Variants in MGAM observed in about 807,000 individuals in gnomAD.
MGAM encodes the protein maltase-glucoamylase.
In MGAM, 253 loss-of-function variants were observed where a neutral mutation model predicts 358.8. That is an observed-to-expected ratio of 0.71 (90% CI 0.64 to 0.78). MGAM has a LOEUF of 0.78. Ranked by LOEUF, MGAM falls within the 30% of genes least tolerant of loss-of-function variation. MGAM has a pLI of 0.00. For missense variants in MGAM, 3,080 were observed against 3,432.6 expected, an observed-to-expected ratio of 0.90 and a Z score of 2.57; for synonymous variants, 1,105 against 1,227.1, an observed-to-expected ratio of 0.90 and a Z score of 2.08.
rs768578658 is a variant in MGAM at position 142,050,266 on chromosome 7, T to G, written c.2619T>G (p.Cys873Trp). 112 of 1,613,684 alleles carry G rather than the reference T, an allele frequency of 6.9e-5. No homozygotes were observed. The highest frequency in any genetic ancestry group is 9.2e-5 in the Non-Finnish European group (109 of 1,179,748). ...DTVANKVYLL[C>W]EFSVTQNRLE... is the part of the protein sequence containing the mutation. Reference sequence around the variant, plus strand: ...TGGCCAATAAAGTGTATCTTTTATGTGAGTTTTCTGTCACTCAAGTGAGTA... The same window carrying G: ...TGGCCAATAAAGTGTATCTTTTATGGGAGTTTTCTGTCACTCAAGTGAGTA... Residue 873 changes from cysteine to tryptophan, a missense_variant, in exon 23 of 71, where the codon TGT becomes TGG. By Grantham distance (215) the Cys-to-Trp change is radical. Around this residue, in one of 5 missense-constraint regions of MGAM, gnomAD observed 1,816 missense variants for 1,840.5 expected, o/e 0.99. Transcript: ENST00000475668.
chr7:142,019,959 C>T (rs1397159837), intron 4 of MGAM, among the ~76,000 whole-genome samples: 1 of 151,928 alleles, frequency 6.6e-6, no homozygotes, highest in Non-Finnish European at 1.5e-5. Context: ...GTCCCAGCTA[C>T]TCAGGAGGCT....
intron 5 of MGAM, 23 bp downstream of exon 5, chr7:142,021,106 T>G: frequency 6.5e-7 from 1 of 1,547,264 alleles, no homozygotes; most frequent in Non-Finnish European, 8.8e-7. Flanking sequence ...TTATTTTTTT[T>G]TAAGTTTTTT....
chr7:142,087,271 C>T (rs1161446062), intron 57 of MGAM, among the ~76,000 whole-genome samples: 1 of 145,610 alleles, frequency 6.9e-6, no homozygotes, highest in Admixed American at 6.9e-5. Context: ...AGTTTCCAGC[C>T]TTACTGTAAA....
intron 21 of MGAM, among the ~76,000 whole-genome samples, chr7:142,045,136 T>C (rs1460894891): frequency 1.3e-5 from 1 of 78,332 alleles, no homozygotes; most frequent in African/African-American, 3.9e-5. Flanking sequence ...ATAATATGTA[T>C]ATTATATATC....
chr7:141,999,529 CATCTGAAA>C (rs1310146238), intron 1 of MGAM, among the ~76,000 whole-genome samples: 1 of 152,152 alleles, frequency 6.6e-6, no homozygotes, highest in African/African-American at 2.4e-5. Flanking sequence ...TTAGTTTTTT[CATCTGAAA>C]GTGAGGATAG....
chr7:142,045,126 A>G (rs1776480618), intron 21 of MGAM, among the ~76,000 whole-genome samples: 1 of 96,804 alleles, frequency 1.0e-5, no homozygotes, highest in Non-Finnish European at 2.0e-5. Context: ...TATATGATAT[A>G]TAATATGTAT....
Position 142,078,860 on chromosome 7 carries a change from C to G in MGAM, c.5699C>G (p.Ser1900Cys), listed in dbSNP as rs751744643. The change falls in exon 49 of 71, where the codon TCT becomes TGT. Residue 1900 changes from serine to cysteine, a missense_variant. Ser to Cys is a moderately radical substitution (Grantham distance 112). This residue lies in a region of MGAM where 932 missense variants were observed against 1,198.2 expected (regional missense o/e 0.78). Transcript: ENST00000475668. The part of the protein sequence containing the change: ...PFCYFVNDLY[S>C]VSDVQYNSHG... ...TGCTATTTTGTCAACGACCTATACT[C>G]TGTCAGTGATGTTCAGTATAACTCC... The G allele has an allele frequency of 3.3e-5, 51 of 1,555,760 alleles. 5 individuals are homozygous for G. In the South Asian group the frequency reaches 5.4e-4, roughly 16 times the overall value.
intron 66 of MGAM, among the ~76,000 whole-genome samples, chr7:142,098,460 G>A (rs1199462994): frequency 1.3e-5 from 2 of 152,090 alleles, no homozygotes; most frequent in Non-Finnish European, 2.9e-5. Context: ...AGGGGTACAA[G>A]CAGGGATACA....
chr7:142,005,404 A>G, intron 1 of MGAM, 125 bp from the exon 2 acceptor site: 1 of 652,544 alleles, frequency 1.5e-6, no homozygotes, highest in Middle Eastern at 4.3e-4. Flanking sequence ...TTTAATTTAG[A>G]TAATGGATGC....
intron 23 of MGAM, 57 bp from the exon 24 acceptor site, chr7:142,050,640 G>C: frequency 6.6e-7 from 1 of 1,521,752 alleles, no homozygotes; most frequent in Non-Finnish European, 9.0e-7. Context: ...TGAGTGACTT[G>C]AGAATCTGTG....
In MGAM at chr7:142,068,600, C is replaced by T. The variant is rs1475932910; in HGVS notation, c.5005-47C>T. On this transcript the variant is annotated intron_variant, in intron 42 of 70. Transcript: ENST00000475668. ...TTCCTAAGCAGTTTGGTTACTCTGT[C>T]CTGGAAAATGGTGGCACTGCCTCAC... is the stretch of plus-strand genomic sequence containing the variant. 1.2e-5 allele frequency: 16 copies of T among 1,374,766 alleles called. 1 individual carries two copies. Among genetic ancestry groups the T allele is most frequent in the African/African-American group, 8.2e-5 (6 of 72,728 alleles). The allele number at this position is 1,374,766 out of a possible 1,614,324, so 85.2% of individuals were successfully genotyped here.
intron 17 of MGAM, 45 bp from the exon 18 acceptor site, chr7:142,036,778 T>G (rs1291516671): frequency 1.9e-6 from 3 of 1,585,000 alleles, no homozygotes; most frequent in Non-Finnish European, 2.6e-6. Flanking sequence ...GTGCTTCTGC[T>G]ATCCTGCAGC....
chr7:142,059,491 T>C lies in MGAM; in HGVS notation c.3839T>C (p.Ile1280Thr). The change falls in exon 32 of 71, where the codon ATC (isoleucine) becomes ACC (threonine). Residue 1280 changes from isoleucine to threonine, a missense_variant. Around this residue, in one of 5 missense-constraint regions of MGAM, gnomAD observed 1,816 missense variants for 1,840.5 expected, o/e 0.99. Coordinates refer to ENST00000475668, the MANE Select transcript of MGAM (RefSeq NM_001365693.1). The part of the protein sequence containing the change: ...QIPYDVQYSD[I>T]DYMERQLDFT... ...CCGCAGGATGTGCAGTACTCAGACA[T>C]CGACTACATGGAGCGGCAGCTGGAC... is the stretch of plus-strand genomic sequence containing the variant. The C allele has an allele frequency of 6.2e-7, 1 of 1,611,394 alleles. No homozygotes were observed. Among genetic ancestry groups the C allele is most frequent in the Non-Finnish European group, 8.5e-7 (1 of 1,178,056 alleles).
chr7:141,986,879 A>G (rs146855100), intron 2 of MGAM, among the ~76,000 whole-genome samples: 47 of 152,256 alleles, frequency 3.1e-4, no homozygotes, highest in African/African-American at 1.1e-3. Context: ...AATAGAACTC[A>G]ATGGGGATGC....
At chr7:142,018,752 T>C (rs1194461184) in intron 3 of MGAM, among the ~76,000 whole-genome samples, 5 of 152,152 alleles carry the variant, frequency 3.3e-5, no homozygotes, top group Non-Finnish European at 7.3e-5. Flanking sequence ...TCCATATAAA[T>C]GTAAGGCATA....
At chr7:142,019,171 A>C (rs781950351) in intron 3 of MGAM, 28 bp from the exon 4 acceptor site, 30 of 1,607,578 alleles carry the variant, frequency 1.9e-5, no homozygotes, top group Non-Finnish European at 2.5e-5. Flanking sequence ...AACTAAATGG[A>C]GCTTCTTTGA....
rs1390787855 is a variant in MGAM, at chr7:142,071,920, CT to C, written c.5186+805del. Among the ~76,000 whole-genome samples the C allele has an allele frequency of 2.1e-4, 31 of 146,154 alleles. 7 individuals carry two copies. On this transcript the variant is annotated intron_variant, in intron 44 of 70. Transcript: ENST00000475668. The stretch of plus-strand genomic sequence containing the variant: ...CCTTTGAGAGTATTAACCTATTTGT[CT>C]TTAATAGACTAGGAGTTCTTTGGAA...
At chr7:142,007,678 A>G (rs1201787736) in intron 2 of MGAM, among the ~76,000 whole-genome samples, 1 of 152,176 alleles carries the variant, frequency 6.6e-6, no homozygotes, top group Non-Finnish European at 1.5e-5. Context: ...TTTAGGATAC[A>G]ATAAAAATAC....
intron 3 of MGAM, among the ~76,000 whole-genome samples, chr7:142,015,728 G>GT (rs569061726): frequency 2.7e-4 from 41 of 150,238 alleles, no homozygotes; most frequent in Non-Finnish European, 5.0e-4. Flanking sequence ...GATCACTTAG[G>GT]TTTTTTTTTC....
Sources: gnomAD v4.1 joint callset for allele counts (sites outside exome capture counted in the v4.1 genomes callset) on GRCh38, gnomAD v4.1.1 for gene constraint, gnomAD v4.1.1 regional missense constraint, MANE v1.5 for transcripts, NCBI Gene and HGNC (gene_info 2026-07-23, HGNC 2026-07-21) for gene names.